Variants in MAP4K3 observed in about 807,000 individuals in gnomAD.
MAP4K3 encodes MAPK/ERK kinase kinase kinase 3.
A neutral mutation model predicts 143.5 loss-of-function variants in MAP4K3; 94 were observed. The observed-to-expected ratio is 0.65, with a 90% CI of 0.55 to 0.78. The LOEUF is 0.78. Among genes scored for constraint, MAP4K3 ranks in the 30% least tolerant of loss-of-function variants. The probability of loss-of-function intolerance (pLI) is 0.00; values close to 1 mark genes in which losing one functional copy is unlikely to be tolerated. For missense variants in MAP4K3, 1,077 were observed against 1,068.1 expected (o/e 1.01, Z -0.12); for synonymous variants, 416 against 347.2 (o/e 1.20, Z -2.20).
At chr2:39,364,156 C>A (rs993335161) in intron 2 of MAP4K3, among the ~76,000 whole-genome samples, 2 of 152,184 alleles carry the variant, frequency 1.3e-5, no homozygotes, top group Non-Finnish European at 2.9e-5. Context: ...AGCAATCTCA[C>A]TTGTGGGTAT....
At chr2:39,326,563 T>C (rs996409545) in intron 8 of MAP4K3, among the ~76,000 whole-genome samples, 3 of 152,132 alleles carry the variant, frequency 2.0e-5, no homozygotes, top group African/African-American at 7.2e-5. Context: ...GGGTTAATGC[T>C]GGAATGAGTT....
chr2:39,307,713 A>T (rs1182059946), intron 15 of MAP4K3, among the ~76,000 whole-genome samples: 2 of 151,914 alleles, frequency 1.3e-5, no homozygotes, highest in East Asian at 3.8e-4. Flanking sequence ...AAATATTAAC[A>T]TTTTTCATAA....
chr2:39,308,283 A>G (rs1261310805), intron 14 of MAP4K3, among the ~76,000 whole-genome samples: 2 of 152,214 alleles, frequency 1.3e-5, no homozygotes, highest in East Asian at 1.9e-4. Flanking sequence ...ACAAAACACA[A>G]TTAGCATTTA....
Position 39,409,976 on chromosome 2 carries a change from T to C in MAP4K3, c.96+26916A>G, listed in dbSNP as rs1437136553. On this transcript the variant is annotated intron_variant, in intron 1 of 33. Coordinates refer to ENST00000263881, the MANE Select transcript of MAP4K3 (RefSeq NM_003618.4). Reference sequence around the variant, plus strand: ...TGAAAATAGCAGAAAGGTATTTCCATTGTTAAGGTACTTTGAAAAACTTCT... The same window carrying C: ...TGAAAATAGCAGAAAGGTATTTCCACTGTTAAGGTACTTTGAAAAACTTCT... Among the ~76,000 whole-genome samples, 8 of 152,270 alleles carry C rather than the reference T, an allele frequency of 5.3e-5. No individual in the cohort carries two copies. In the East Asian group the frequency reaches 1.3e-3, roughly 26 times the overall value.
At chr2:39,337,752 G>GT (rs570853243) in intron 4 of MAP4K3, among the ~76,000 whole-genome samples, 171 bp from the exon 5 acceptor site, 45,880 of 69,926 alleles carry the variant, frequency 0.66, 20,141 homozygotes, top group Non-Finnish European at 0.79. Flanking sequence ...CCTGGCTCCA[G>GT]TTTTTTTTTT....
rs758551037 is a variant in MAP4K3, at chr2:39,272,418, T to A, written c.1856-18A>T. 1.0e-5 allele frequency: 16 copies of A among 1,604,148 alleles called. No homozygotes were observed. Among genetic ancestry groups the A allele is most frequent in the Middle Eastern group, 3.3e-4 (2 of 6,026 alleles). ...AGCTTTACCTATAAAGAAAAACAGA[T>A]ATGACATAAAAGCTAATAATAAATA... On this transcript the variant is annotated intron_variant, in intron 25 of 33. Coordinates refer to ENST00000263881, the MANE Select transcript of MAP4K3 (RefSeq NM_003618.4).
intron 1 of MAP4K3, among the ~76,000 whole-genome samples, chr2:39,410,057 T>C (rs1335589203): frequency 6.6e-6 from 1 of 152,244 alleles, no homozygotes; most frequent in African/African-American, 2.4e-5. Flanking sequence ...ATTTGCTTTT[T>C]CAATATCCTT....
chr2:39,258,732 G>C (rs955396652), intron 29 of MAP4K3, 145 bp from the exon 30 acceptor site: 3 of 675,200 alleles, frequency 4.4e-6, no homozygotes, highest in African/African-American at 1.8e-5. Flanking sequence ...AGCCAGGCTA[G>C]TGGGTTTAAA....
chr2:39,289,196 C>A (rs1389823174), intron 19 of MAP4K3, among the ~76,000 whole-genome samples: 1 of 152,192 alleles, frequency 6.6e-6, no homozygotes, highest in Non-Finnish European at 1.5e-5. Context: ...TAACGTGTCT[C>A]TTATTATTGC....
chr2:39,351,973 A>G (rs1170649606), intron 3 of MAP4K3, among the ~76,000 whole-genome samples: 1 of 152,158 alleles, frequency 6.6e-6, no homozygotes, highest in Non-Finnish European at 1.5e-5. Context: ...ACCCAGCCCA[A>G]AAGTTTAAAA....
chr2:39,359,839 C>T (rs1665716643), intron 2 of MAP4K3, among the ~76,000 whole-genome samples: 1 of 152,210 alleles, frequency 6.6e-6, no homozygotes, highest in Admixed American at 6.5e-5. Flanking sequence ...ATGCAGAGCA[C>T]CAAGTCCCTA....
At chr2:39,272,707 T>C (rs1007151466) in intron 24 of MAP4K3, among the ~76,000 whole-genome samples, 165 bp from the exon 25 acceptor site, 1 of 152,188 alleles carries the variant, frequency 6.6e-6, no homozygotes, top group African/African-American at 2.4e-5. Flanking sequence ...AGATGATATA[T>C]ATACATACAT....
At chr2:39,351,385 G>C (rs1224470334) in intron 3 of MAP4K3, among the ~76,000 whole-genome samples, 1 of 152,222 alleles carries the variant, frequency 6.6e-6, no homozygotes, top group African/African-American at 2.4e-5. Flanking sequence ...AAAAATCAGA[G>C]AGTCTATCAT....
chr2:39,356,366 T>A (rs1558663477), intron 2 of MAP4K3, 27 bp from the exon 3 acceptor site: 1 of 1,279,210 alleles, frequency 7.8e-7, no homozygotes, highest in Admixed American at 2.0e-5. Context: ...GCATGTTGAA[T>A]ATTTAGAGGT....
intron 3 of MAP4K3, 34 bp downstream of exon 3, chr2:39,356,215 T>C (rs762148998): frequency 3.1e-6 from 4 of 1,279,330 alleles, no homozygotes; most frequent in East Asian, 4.8e-5. Context: ...GATGAAATCA[T>C]TATTGCTTTT....
At position 39,307,992 on chromosome 2, in the gene MAP4K3, C is replaced by A. The variant is rs1682778638; in HGVS notation, c.1070G>T (p.Gly357Val). 1 of 1,598,868 alleles carries A rather than the reference C, an allele frequency of 6.3e-7. No individual in the cohort carries two copies. The highest frequency in any genetic ancestry group is 1.7e-5 in the Admixed American group (1 of 57,860). The change falls in exon 15 of 34, where the codon GGT becomes GTT. Residue 357 changes from glycine (G) to valine (V), a missense_variant. Physicochemically the swap from Gly to Val is moderately radical, Grantham distance 109. Around this residue, in one of 2 missense-constraint regions of MAP4K3, gnomAD observed 864 missense variants for 801.2 expected, o/e 1.08. Transcript: ENST00000263881. ...TATTTCTTCTGAACTGTCCAAAAAA[C>A]CATCACTGTCGGGCTGTTTAGCAGA... ...EPHHELPDSD[G>V]FLDSSEEIYY...
intron 12 of MAP4K3, among the ~76,000 whole-genome samples, chr2:39,316,937 A>C (rs1247771234): frequency 6.6e-6 from 1 of 152,170 alleles, no homozygotes; most frequent in Non-Finnish European, 1.5e-5. Context: ...GGAATCAAAA[A>C]AGAGTCCAAA....
Position 39,313,185 on chromosome 2 carries a change from C to T in MAP4K3, c.997+2125G>A, listed in dbSNP as rs185097232. 7.0e-4 allele frequency among the ~76,000 whole-genome samples: 106 copies of T among 152,308 alleles called. 1 individual carries two copies. Among genetic ancestry groups the T allele is most frequent in the Middle Eastern group, 3.4e-3 (1 of 294 alleles). On this transcript the variant is annotated intron_variant, in intron 13 of 33. Transcript: ENST00000263881. ...ACTGTTGGTCAATCATCCCAGTCTG[C>T]GGCACTGTTTATGATGCTCTTTTTT... is the stretch of plus-strand genomic sequence containing the variant.
chr2:39,264,259 C>A (rs963896070), intron 28 of MAP4K3, among the ~76,000 whole-genome samples: 13 of 152,174 alleles, frequency 8.5e-5, no homozygotes, highest in Admixed American at 5.2e-4. Flanking sequence ...CTGCTTTAGA[C>A]AACTTATAAG....
Sources: allele counts gnomAD v4.1 joint callset (sites outside exome capture counted in the v4.1 genomes callset), GRCh38; gene constraint gnomAD v4.1.1; regional missense constraint gnomAD v4.1.1; transcripts MANE v1.5; gene names NCBI Gene and HGNC (gene_info 2026-07-23, HGNC 2026-07-21).